Variants in ATRN observed in about 807,000 individuals in gnomAD.
ATRN encodes attractin.
Under a neutral mutation model 178.7 loss-of-function variants are expected in ATRN, and 54 were observed. The observed-to-expected ratio is 0.30, with a 90% CI of 0.24 to 0.38. The LOEUF (loss-of-function observed/expected upper bound fraction) is 0.38, where lower values mean the gene tolerates loss of function less well. Ranked by LOEUF, ATRN falls within the 10% of genes least tolerant of loss-of-function variation. The pLI is 1.00. For synonymous variants in ATRN, 636 were observed against 663.0 expected (o/e 0.96, Z 0.63); for missense variants, 1,443 against 1,815.1 (o/e 0.79, Z 3.73).
chr20:3,636,099 G>A (rs765035796), intron 26 of ATRN, among the ~76,000 whole-genome samples: 1 of 152,162 alleles, frequency 6.6e-6, no homozygotes, highest in Non-Finnish European at 1.5e-5. Flanking sequence ...GATTATGATA[G>A]CCTGTTCCTC....
intron 1 of ATRN, among the ~76,000 whole-genome samples, chr20:3,494,623 T>G (rs540345204): frequency 1.3e-5 from 2 of 152,228 alleles, no homozygotes; most frequent in African/African-American, 4.8e-5. Flanking sequence ...AGTCAATAAT[T>G]TTTGGAAGAT....
chr20:3,514,986 T>A (rs908793530), intron 1 of ATRN, among the ~76,000 whole-genome samples: 1 of 152,088 alleles, frequency 6.6e-6, no homozygotes, highest in Admixed American at 6.6e-5. Flanking sequence ...AGATACTTCC[T>A]TAATATATTA....
At chr20:3,565,500 G>A in intron 11 of ATRN, 68 bp downstream of exon 11, 12 of 1,359,506 alleles carry the variant, frequency 8.8e-6, no homozygotes, top group Non-Finnish European at 1.3e-5. Context: ...GGGCACGGTG[G>A]CTCACGCCTG....
At position 3,471,062 on chromosome 20, in the gene ATRN, G is replaced by T; in HGVS notation, c.-46G>T. The T allele has an allele frequency of 6.8e-7, 1 of 1,471,174 alleles. No individual in the cohort carries two copies. The allele number at this position is 1,471,174 out of a possible 1,614,324, so 91.1% of individuals were successfully genotyped here. On this transcript the variant is annotated 5_prime_UTR_variant, in exon 1 of 29. Coordinates refer to ENST00000262919, the MANE Select transcript of ATRN (RefSeq NM_139321.3). ...CCAGGCGAAGCGGAGCCGGCCGTGC[G>T]GTGTGTGTGTATGTGTTCGCGGGGC...
intron 1 of ATRN, among the ~76,000 whole-genome samples, chr20:3,496,775 A>G (rs1329501127): frequency 6.6e-6 from 1 of 151,948 alleles, no homozygotes; most frequent in Non-Finnish European, 1.5e-5. Flanking sequence ...AAAGTCTCCC[A>G]TTATTAATGT....
In ATRN at chr20:3,650,423, CAGG is replaced by C. The variant is rs1473315909; in HGVS notation, c.*3579_*3581del. ...CCAAGTCCTCACACCCCTGTCATCC[CAGG>C]AGATCTTTCCTTGTGGTGGTTTCTG... On this transcript the variant is annotated 3_prime_UTR_variant, in exon 29 of 29. Coordinates refer to ENST00000262919, the MANE Select transcript of ATRN (RefSeq NM_139321.3). 6.6e-6 allele frequency: 1 copy of C among 152,568 alleles called. No individual in the cohort carries two copies. The highest frequency in any genetic ancestry group is 2.4e-5 in the African/African-American group (1 of 41,438). The allele number at this position is 152,568 out of a possible 1,614,324, so 9.5% of individuals were successfully genotyped here.
At chr20:3,605,475 A>G (rs1231547460) in intron 24 of ATRN, among the ~76,000 whole-genome samples, 1 of 152,216 alleles carries the variant, frequency 6.6e-6, no homozygotes, top group Non-Finnish European at 1.5e-5. Context: ...TTGCAGCACT[A>G]TTCACAGTAG....
At chr20:3,635,363 T>TA (rs1555827881) in intron 26 of ATRN, among the ~76,000 whole-genome samples, 1 of 149,158 alleles carries the variant, frequency 6.7e-6, no homozygotes, top group Non-Finnish European at 1.5e-5. Context: ...CCTATTGAAA[T>TA]AATAAATAAA....
chr20:3,617,954 G>A (rs2086865978), intron 24 of ATRN, among the ~76,000 whole-genome samples: 1 of 152,162 alleles, frequency 6.6e-6, no homozygotes, highest in South Asian at 2.1e-4. Flanking sequence ...AATGGAAAAC[G>A]GAGCTTCCCA....
intron 6 of ATRN, among the ~76,000 whole-genome samples, chr20:3,558,161 A>G (rs913253544): frequency 1.3e-5 from 2 of 152,196 alleles, no homozygotes; most frequent in Admixed American, 6.5e-5. Flanking sequence ...CATATATGTT[A>G]TACATTACAG....
In ATRN at chr20:3,557,977, A is replaced by G. The variant is rs868834917; in HGVS notation, c.1113-1416A>G. Among the ~76,000 whole-genome samples, 9 of 152,234 alleles carry G rather than the reference A, an allele frequency of 5.9e-5. No individual in the cohort carries two copies. In the South Asian group the frequency reaches 8.3e-4, roughly 14 times the overall value. On this transcript the variant is annotated intron_variant, in intron 6 of 28. Coordinates refer to ENST00000262919, the MANE Select transcript of ATRN (RefSeq NM_139321.3). ...TCAGATCTTGTATAAAATATTTAAGATAAAAGGAAAGGCTTAGAGAAAATT... is the reference window on the plus strand; with the variant it reads ...TCAGATCTTGTATAAAATATTTAAGGTAAAAGGAAAGGCTTAGAGAAAATT...
Position 3,588,981 on chromosome 20 carries a change from G to GTTTTTTTTTTTTT in ATRN, c.3185-2181_3185-2169dup, listed in dbSNP as rs386393128. 1.4e-4 allele frequency among the ~76,000 whole-genome samples: 14 copies of GTTTTTTTTTTTTT among 99,772 alleles called. 2 individuals carry two copies. Among genetic ancestry groups the GTTTTTTTTTTTTT allele is most frequent in the African/African-American group, 1.9e-4 (5 of 26,330 alleles). The allele number at this position is 99,772 out of a possible 152,430, so 65.5% of individuals were successfully genotyped here. A position where few individuals can be genotyped will look rare whatever the true frequency, so the allele number is the denominator to read the frequency against. ...CATACAGTTCGTAGTATTTTCTTTT[G>GTTTTTTTTTTTTT]TTTTTTTTTTTTTTTTTTTGAGACA... On this transcript the variant is annotated intron_variant, in intron 18 of 28. Transcript: ENST00000262919.
chr20:3,544,250 G>A (rs117317213), intron 3 of ATRN, among the ~76,000 whole-genome samples: 3 of 152,164 alleles, frequency 2.0e-5, no homozygotes, highest in African/African-American at 4.8e-5. Flanking sequence ...TGTTAGTCCC[G>A]CAGACCTAGG....
chr20:3,563,546 A>G (rs1014420552), intron 10 of ATRN, among the ~76,000 whole-genome samples, 183 bp downstream of exon 10: 3 of 152,218 alleles, frequency 2.0e-5, no homozygotes, highest in Non-Finnish European at 4.4e-5. Flanking sequence ...TTTCTACATT[A>G]AATTCTTTTT....
chr20:3,504,505 G>A (rs1434935288), intron 1 of ATRN, among the ~76,000 whole-genome samples: 5 of 112,384 alleles, frequency 4.4e-5, no homozygotes, highest in South Asian at 2.9e-4. Flanking sequence ...GTGAAACCTC[G>A]TCTCTACTAA....
intron 3 of ATRN, among the ~76,000 whole-genome samples, chr20:3,541,645 G>A (rs978354225): frequency 6.6e-6 from 1 of 152,024 alleles, no homozygotes; most frequent in African/African-American, 2.4e-5. Flanking sequence ...TACATGGAAA[G>A]GTACAGAAAA....
chr20:3,571,936 G>A (rs1437003979), intron 11 of ATRN, among the ~76,000 whole-genome samples: 1 of 151,840 alleles, frequency 6.6e-6, no homozygotes, highest in Non-Finnish European at 1.5e-5. Context: ...TCTACTGCTT[G>A]TGTGTTTTGT....
intron 1 of ATRN, among the ~76,000 whole-genome samples, chr20:3,532,826 G>A (rs182314667): frequency 2.5e-4 from 38 of 151,844 alleles, no homozygotes; most frequent in Admixed American, 2.1e-3. Context: ...GCAGTGGCGC[G>A]ATCTTGGCTC....
chr20:3,570,268 C>T (rs2086101434), intron 11 of ATRN, among the ~76,000 whole-genome samples: 1 of 152,076 alleles, frequency 6.6e-6, no homozygotes, highest in South Asian at 2.1e-4. Context: ...TTCCCCCTTA[C>T]TTGTTAAAGA....
Sources: allele counts gnomAD v4.1 joint callset (sites outside exome capture counted in the v4.1 genomes callset), GRCh38; gene constraint gnomAD v4.1.1; transcripts MANE v1.5; gene names NCBI Gene and HGNC (gene_info 2026-07-23, HGNC 2026-07-21).